The following TPGS2 variants were observed in gnomAD, a reference collection of about 807,000 sequenced individuals.
The protein encoded by TPGS2 is tubulin polyglutamylase complex subunit 2.
In TPGS2, 26 loss-of-function variants were observed where a neutral mutation model predicts 31.1. The observed-to-expected ratio is 0.84, with a 90% CI of 0.61 to 1.16. The LOEUF (loss-of-function observed/expected upper bound fraction) is 1.16. Ranked by LOEUF, TPGS2 falls within the 50% of genes most tolerant of loss-of-function variation. The pLI is 0.00. For synonymous variants in TPGS2, 130 were observed against 136.6 expected (o/e 0.95, Z 0.34); for missense variants, 351 against 363.8 (o/e 0.96, Z 0.29).
At chr18:36,828,086 T>C (rs2046265060) in intron 1 of TPGS2, among the ~76,000 whole-genome samples, 2 of 152,144 alleles carry the variant, frequency 1.3e-5, no homozygotes, top group Non-Finnish European at 2.9e-5. Context: ...GAGAATTGCT[T>C]GAACCCAGGA....
chr18:36,809,330 A>G (rs2045312428), intron 2 of TPGS2, among the ~76,000 whole-genome samples: 1 of 152,220 alleles, frequency 6.6e-6, no homozygotes, highest in Non-Finnish European at 1.5e-5. Flanking sequence ...ATAAAGAGAA[A>G]GCTTCAAGCT....
chr18:36,795,899 T>C lies in TPGS2; in HGVS notation c.*906A>G. Reference sequence around the variant, plus strand: ...ACAGTGTCTGGCACCATTAAAACTCTTTCTTTATGAAGAGTTGTGCAAAAC... The same window carrying C: ...ACAGTGTCTGGCACCATTAAAACTCCTTCTTTATGAAGAGTTGTGCAAAAC... On this transcript the variant is annotated 3_prime_UTR_variant, in exon 7 of 7. Coordinates refer to ENST00000334295, the MANE Select transcript of TPGS2 (RefSeq NM_015476.4). 2 of 985,390 alleles carry C rather than the reference T, an allele frequency of 2.0e-6. No individual in the cohort carries two copies. The highest frequency in any genetic ancestry group is 2.4e-6 in the Non-Finnish European group (2 of 829,906). The allele number at this position is 985,390 out of a possible 1,614,324, so 61.0% of individuals were successfully genotyped here.
intron 1 of TPGS2, among the ~76,000 whole-genome samples, chr18:36,825,391 C>T (rs531254562): frequency 3.4e-5 from 5 of 145,982 alleles, no homozygotes; most frequent in African/African-American, 1.0e-4. Context: ...AAGAGCACAC[C>T]ACTGCACTCC....
At chr18:36,819,042 GACTA>G (rs1281766501) in intron 1 of TPGS2, 69 bp from the exon 2 acceptor site, 9 of 1,290,016 alleles carry the variant, frequency 7.0e-6, no homozygotes, top group African/African-American at 2.9e-5. Flanking sequence ...GCTAGTTGTT[GACTA>G]ACTGTTGATG....
chr18:36,814,878 G>A (rs1465805938), intron 2 of TPGS2, among the ~76,000 whole-genome samples: 1 of 152,216 alleles, frequency 6.6e-6, no homozygotes, highest in Admixed American at 6.5e-5. Flanking sequence ...TACTTATACT[G>A]TAGTTTCTTC....
chr18:36,813,095 A>G (rs2150642229), intron 2 of TPGS2, among the ~76,000 whole-genome samples: 1 of 152,330 alleles, frequency 6.6e-6, no homozygotes, highest in South Asian at 2.1e-4. Context: ...ATACATGAAA[A>G]ATATTAATTC....
chr18:36,794,196 A>AGAAAG lies in TPGS2; in HGVS notation c.*2604_*2608dup, dbSNP rs1159220396. On this transcript the variant is annotated 3_prime_UTR_variant, in exon 7 of 7. Coordinates refer to ENST00000334295, the MANE Select transcript of TPGS2 (RefSeq NM_015476.4). ...AACAAGTTGAGAAAGACACTATGGA[A>AGAAAG]GAAAGGAAAAACATTACATTTTAGT... 1.2e-6 allele frequency: 1 copy of AGAAAG among 860,866 alleles called. No homozygotes were observed. Among genetic ancestry groups the AGAAAG allele is most frequent in the African/African-American group, 1.8e-5 (1 of 54,696 alleles). 53.3% of individuals were successfully genotyped at this position (860,866 alleles called of 1,614,324 possible).
intron 2 of TPGS2, among the ~76,000 whole-genome samples, chr18:36,813,940 T>C (rs960518282): frequency 6.6e-6 from 1 of 152,174 alleles, no homozygotes; most frequent in Non-Finnish European, 1.5e-5. Flanking sequence ...CTGGAAATGC[T>C]TATCATAAAT....
chr18:36,801,999 T>C (rs2044842709), intron 4 of TPGS2, among the ~76,000 whole-genome samples: 1 of 152,250 alleles, frequency 6.6e-6, no homozygotes, highest in African/African-American at 2.4e-5. Flanking sequence ...TATAAATAAT[T>C]TTTGTTCTGT....
At chr18:36,803,540 T>C (rs2044945274) in intron 4 of TPGS2, among the ~76,000 whole-genome samples, 1 of 152,230 alleles carries the variant, frequency 6.6e-6, no homozygotes, top group Non-Finnish European at 1.5e-5. Context: ...TGTCTTTTAT[T>C]AGTATGTATT....
Position 36,787,145 on chromosome 18 carries a change from G to T in TPGS2, c.658-4014C>A, listed in dbSNP as rs965466390. 4.9e-6 allele frequency: 6 copies of T among 1,231,642 alleles called. No homozygotes were observed. The African/African-American group carries it at 9.3e-5, about 19-fold the overall frequency. 76.3% of individuals were successfully genotyped at this position (1,231,642 alleles called of 1,614,324 possible). Reference sequence around the variant, plus strand: ...GAATTTAAAGATATTCCAGAGGCATGCATAGCATGTTACAGGTAGCACATT... The same window carrying T: ...GAATTTAAAGATATTCCAGAGGCATTCATAGCATGTTACAGGTAGCACATT... On this transcript the variant is annotated intron_variant, in intron 6 of 6. Transcript: ENST00000587129.
At position 36,795,143 on chromosome 18, in the gene TPGS2, A is replaced by T. The variant is rs2044467759; in HGVS notation, c.*1662T>A. 11 of 985,272 alleles carry T rather than the reference A, an allele frequency of 1.1e-5. No homozygotes were observed. In the South Asian group the frequency reaches 4.7e-4, roughly 42 times the overall value. The allele number at this position is 985,272 out of a possible 1,614,324, so 61.0% of individuals were successfully genotyped here. A position where few individuals can be genotyped will look rare whatever the true frequency, so the allele number is the denominator to read the frequency against. On this transcript the variant is annotated 3_prime_UTR_variant, in exon 7 of 7. Transcript: ENST00000334295. The stretch of plus-strand genomic sequence containing the variant: ...CTATGGAAAGTGGTAGGTGGAGGAG[A>T]TATCGAAGGCGCTTTCTCATGAATA...
intron 2 of TPGS2, among the ~76,000 whole-genome samples, chr18:36,809,282 A>G (rs755549783): frequency 1.3e-5 from 2 of 152,180 alleles, no homozygotes; most frequent in African/African-American, 2.4e-5. Flanking sequence ...CTAGGAAATT[A>G]TTATTATTCA....
chr18:36,799,270 C>G (rs957295406), intron 5 of TPGS2, among the ~76,000 whole-genome samples: 3 of 152,338 alleles, frequency 2.0e-5, no homozygotes, highest in South Asian at 2.1e-4. Context: ...TGCCATTTTA[C>G]TAAACAACCT....
In TPGS2 at chr18:36,804,346, T is replaced by C. The variant is rs189651117; in HGVS notation, c.382+1028A>G. Among the ~76,000 whole-genome samples the C allele has an allele frequency of 7.7e-4, 117 of 152,344 alleles. 2 individuals are homozygous for C. In the East Asian group the frequency reaches 0.021, roughly 28 times the overall value. On this transcript the variant is annotated intron_variant, in intron 4 of 6. Coordinates refer to ENST00000334295, the MANE Select transcript of TPGS2 (RefSeq NM_015476.4). ...CATGAAGCCTCTCTGTTACCTACTC[T>C]ACCTCTTCTCTTCCAGCCTCAAGAG...
chr18:36,809,707 C>T (rs572738885), intron 2 of TPGS2, among the ~76,000 whole-genome samples: 107 of 152,282 alleles, frequency 7.0e-4, no homozygotes, highest in Non-Finnish European at 1.2e-3. Flanking sequence ...TTGCTCCTCT[C>T]GTCGCCCCAA....
downstream of TPGS2, among the ~76,000 whole-genome samples, chr18:36,792,177 C>T (rs1190844325): frequency 3.3e-5 from 5 of 152,174 alleles, no homozygotes; most frequent in Non-Finnish European, 7.3e-5. Context: ...CAGGGACTCT[C>T]TGAATGGCTA....
intron 1 of TPGS2, 72 bp downstream of exon 1, chr18:36,828,611 C>A (rs1242954403): frequency 1.3e-6 from 2 of 1,551,160 alleles, no homozygotes; most frequent in East Asian, 2.2e-5. Flanking sequence ...CACCGCTCAC[C>A]CCGCACCTCA....
chr18:36,791,390 C>T (rs898144118), downstream of TPGS2, among the ~76,000 whole-genome samples: 5 of 152,186 alleles, frequency 3.3e-5, no homozygotes, highest in Non-Finnish European at 7.3e-5. Flanking sequence ...GCATGAAGCA[C>T]TTCACCTCAA....
Sources: allele counts gnomAD v4.1 joint callset (sites outside exome capture counted in the v4.1 genomes callset), GRCh38; gene constraint gnomAD v4.1.1; transcripts MANE v1.5; gene names NCBI Gene and HGNC (gene_info 2026-07-23, HGNC 2026-07-21).